CCDC178: variants seen among roughly 807,000 people sequenced by gnomAD.
The protein encoded by CCDC178 is coiled-coil domain containing 178.
CCDC178 carries 126 observed loss-of-function variants against 117.4 expected under a neutral mutation model. That is an observed-to-expected ratio of 1.07 (90% CI 0.93 to 1.24). CCDC178 has a LOEUF of 1.24. Among genes scored for constraint, CCDC178 ranks in the 50% most tolerant of loss-of-function variants. The pLI is 0.00. For synonymous variants in CCDC178, 283 were observed against 313.4 expected (o/e 0.90, Z 1.02); for missense variants, 1,030 against 986.9 (o/e 1.04, Z -0.59).
At chr18:33,169,249 A>G (rs1231256243) in intron 20 of CCDC178, among the ~76,000 whole-genome samples, 1 of 152,206 alleles carries the variant, frequency 6.6e-6, no homozygotes, top group Non-Finnish European at 1.5e-5. Context: ...TCAAAAGTGC[A>G]ATTTCAGCTA....
intron 7 of CCDC178, among the ~76,000 whole-genome samples, chr18:33,355,039 C>G (rs951244404): frequency 2.0e-5 from 3 of 152,132 alleles, no homozygotes; most frequent in Non-Finnish European, 4.4e-5. Flanking sequence ...ATATTTAAGT[C>G]AATTGATTTA....
chr18:33,021,820 A>G (rs989552831), intron 21 of CCDC178, among the ~76,000 whole-genome samples: 8 of 152,092 alleles, frequency 5.3e-5, no homozygotes, highest in Non-Finnish European at 1.2e-4. Context: ...GCTAAATGCC[A>G]CTGCTTTATA....
chr18:33,126,451 A>ATG (rs1172759148), intron 20 of CCDC178, among the ~76,000 whole-genome samples: 1 of 149,618 alleles, frequency 6.7e-6, no homozygotes, highest in Non-Finnish European at 1.5e-5. Flanking sequence ...TATGAAATAT[A>ATG]TGTATATATA....
At chr18:32,981,516 C>G (rs1329021839) in intron 21 of CCDC178, among the ~76,000 whole-genome samples, 1 of 152,172 alleles carries the variant, frequency 6.6e-6, no homozygotes, top group Non-Finnish European at 1.5e-5. Context: ...CTGTAAATTA[C>G]TGCATGCTTA....
intron 11 of CCDC178, among the ~76,000 whole-genome samples, chr18:33,308,164 A>G (rs1480542605): frequency 1.3e-5 from 2 of 152,202 alleles, no homozygotes; most frequent in Admixed American, 6.5e-5. Context: ...CAGCCCATGA[A>G]AGCAGGCTGG....
At chr18:33,043,951 T>A (rs1054679623) in intron 21 of CCDC178, among the ~76,000 whole-genome samples, 10 of 151,438 alleles carry the variant, frequency 6.6e-5, no homozygotes, top group African/African-American at 2.4e-4. Context: ...AAAATTATAT[T>A]TAAATATATT....
chr18:33,267,092 A>G (rs368935674), intron 13 of CCDC178, 40 bp from the exon 14 acceptor site: 233 of 1,553,714 alleles, frequency 1.5e-4, no homozygotes, highest in Non-Finnish European at 2.0e-4. Context: ...TACATGTCTA[A>G]TTATCAAAAG....
chr18:33,178,379 C>T (rs183525633), intron 20 of CCDC178, among the ~76,000 whole-genome samples: 1 of 152,126 alleles, frequency 6.6e-6, no homozygotes, highest in Admixed American at 6.6e-5. Context: ...CTCACTGCCT[C>T]TCTTGAAATA....
chr18:33,116,581 A>G (rs971194904), intron 20 of CCDC178, among the ~76,000 whole-genome samples: 1 of 152,054 alleles, frequency 6.6e-6, no homozygotes, highest in African/African-American at 2.4e-5. Context: ...GCCGTTGCTC[A>G]CTTTTCAAGT....
At chr18:33,242,855 A>G (rs1001230229) in intron 15 of CCDC178, among the ~76,000 whole-genome samples, 2 of 151,890 alleles carry the variant, frequency 1.3e-5, no homozygotes, top group African/African-American at 2.4e-5. Context: ...AGGTTCCTCA[A>G]AAAACTGCAA....
chr18:33,166,653 A>G (rs2058533706), intron 20 of CCDC178, among the ~76,000 whole-genome samples: 1 of 152,192 alleles, frequency 6.6e-6, no homozygotes, highest in Admixed American at 6.5e-5. Context: ...CTCTGTCCCC[A>G]TCATCTTTCT....
intron 20 of CCDC178, among the ~76,000 whole-genome samples, chr18:33,175,584 A>G (rs1488900973): frequency 6.6e-6 from 1 of 152,184 alleles, no homozygotes; most frequent in Non-Finnish European, 1.5e-5. Flanking sequence ...TGAACTTCGC[A>G]GAGGCAGTGC....
rs2063111669 is a variant in CCDC178, at chr18:33,360,562, A to C, written c.349-4216T>G. On this transcript the variant is annotated intron_variant, in intron 6 of 22. Coordinates refer to ENST00000383096, the MANE Select transcript of CCDC178 (RefSeq NM_001105528.4). The stretch of plus-strand genomic sequence containing the variant: ...TAGCTATCAAAATTGAAAATGAAAA[A>C]AGGAAAATTATCTCTATTTGCAGAT... Among the ~76,000 whole-genome samples the C allele has an allele frequency of 2.0e-5, 3 of 151,578 alleles. No homozygotes were observed. In the South Asian group the frequency reaches 6.2e-4, roughly 31 times the overall value.
At chr18:33,160,338 T>C (rs2058447670) in intron 20 of CCDC178, among the ~76,000 whole-genome samples, 1 of 152,194 alleles carries the variant, frequency 6.6e-6, no homozygotes, top group Admixed American at 6.6e-5. Flanking sequence ...CTCTTTTAAT[T>C]TACTTGACAT....
At chr18:33,414,174 A>G (rs2063900459) in intron 2 of CCDC178, among the ~76,000 whole-genome samples, 1 of 152,208 alleles carries the variant, frequency 6.6e-6, no homozygotes, top group Admixed American at 6.5e-5. Context: ...TGTCAAAACT[A>G]AAAATAATAA....
chr18:33,278,672 C>T (rs2059983369), intron 12 of CCDC178, among the ~76,000 whole-genome samples: 1 of 151,980 alleles, frequency 6.6e-6, no homozygotes, highest in African/African-American at 2.4e-5. Flanking sequence ...TTACTATTAG[C>T]AACAAATACT....
intron 2 of CCDC178, among the ~76,000 whole-genome samples, chr18:33,436,630 G>A (rs1599320526): frequency 1.3e-5 from 2 of 152,302 alleles, no homozygotes; most frequent in African/African-American, 4.8e-5. Flanking sequence ...ATGATGTTTT[G>A]TAACCATGGG....
At chr18:33,238,931 C>T (rs1435629693) in intron 15 of CCDC178, among the ~76,000 whole-genome samples, 1 of 151,884 alleles carries the variant, frequency 6.6e-6, no homozygotes, top group Non-Finnish European at 1.5e-5. Flanking sequence ...AGTGGATTTG[C>T]CAGGAGAAAT....
intron 22 of CCDC178, chr18:32,956,947 G>A (rs1306971933): frequency 6.6e-6 from 1 of 151,844 alleles, no homozygotes. Context: ...AATCTTCCAG[G>A]ATAAATATTT....
Sources: allele counts gnomAD v4.1 joint callset (sites outside exome capture counted in the v4.1 genomes callset), GRCh38; gene constraint gnomAD v4.1.1; transcripts MANE v1.5; gene names NCBI Gene and HGNC (gene_info 2026-07-23, HGNC 2026-07-21).